The following BET1 variants were observed in gnomAD, a reference collection of about 807,000 sequenced individuals.
BET1 encodes the protein Bet1 golgi vesicular membrane trafficking protein, also known as BET1 homolog.
A neutral mutation model predicts 13.9 loss-of-function variants in BET1; 9 were observed. That is an observed-to-expected ratio of 0.65 (90% confidence interval 0.39 to 1.13). BET1 has a LOEUF of 1.13. Among genes scored for constraint, BET1 ranks in the 50% most tolerant of loss-of-function variants. BET1 has a pLI of 0.01. For synonymous variants in BET1, 39 were observed against 47.3 expected, an observed-to-expected ratio of 0.82 and a Z score of 0.72; for missense variants, 127 against 133.6, an observed-to-expected ratio of 0.95 and a Z score of 0.24.
chr7:93,994,876 G>A (rs965367372), intron 3 of BET1, among the ~76,000 whole-genome samples: 4 of 118,064 alleles, frequency 3.4e-5, no homozygotes, highest in Admixed American at 7.5e-5. Flanking sequence ...ACGGAGTCTC[G>A]CTCGTTGCCC....
At chr7:93,971,853 C>G (rs1477036894) in intron 6 of BET1, among the ~76,000 whole-genome samples, 1 of 151,022 alleles carries the variant, frequency 6.6e-6, no homozygotes. Flanking sequence ...ATGAAGTAAT[C>G]TGAATTTTAA....
rs187153559 is a variant in BET1, at chr7:93,970,619, T to C, written c.*137+1956A>G. Among the ~76,000 whole-genome samples the C allele has an allele frequency of 2.0e-4, 31 of 151,860 alleles. 1 individual carries two copies. Among genetic ancestry groups the C allele is most frequent in the Admixed American group, 1.2e-3 (18 of 15,174 alleles). ...TCTTTGAGACAAGGCCCATCTTACA[T>C]TGACATCCCAAAAATGGGAATAGTG... On this transcript the variant is annotated intron_variant and NMD_transcript_variant, in intron 6 of 6. Coordinates refer to the BET1 transcript ENST00000357520.
Position 93,994,179 on chromosome 7 carries a change from G to T in BET1, c.*51C>A. The T allele has an allele frequency of 6.4e-7, 1 of 1,553,610 alleles. No individual in the cohort carries two copies. Among genetic ancestry groups the T allele is most frequent in the Non-Finnish European group, 8.7e-7 (1 of 1,151,284 alleles). On this transcript the variant is annotated 3_prime_UTR_variant, in exon 4 of 4. Transcript: ENST00000222547. ...TTTGATGCTGATTTTTATCAAAGTGGTACTGCAAGCCATTAAGTTGGAACA... is the reference window on the plus strand; with the variant it reads ...TTTGATGCTGATTTTTATCAAAGTGTTACTGCAAGCCATTAAGTTGGAACA...
chr7:93,969,381 G>T (rs1009162301), intron 6 of BET1: 1 of 151,764 alleles, frequency 6.6e-6, no homozygotes, highest in African/African-American at 2.4e-5. Context: ...GCTTCCCTGG[G>T]GAAAGTGTTG....
intron 6 of BET1, among the ~76,000 whole-genome samples, chr7:93,966,919 C>T (rs987884075): frequency 5.9e-5 from 9 of 151,766 alleles, no homozygotes; most frequent in Non-Finnish European, 1.0e-4. Context: ...TGAGATGTTT[C>T]TTATGCTTCT....
rs554545510 is a variant in BET1, at chr7:93,980,252, A to G, written c.236-4152T>C. ...AAACTCCCTCAGAAAACTGAATAGG[A>G]GGAAGGCTTCCAAATCCATTTTGCA... On this transcript the variant is annotated intron_variant and NMD_transcript_variant, in intron 4 of 6. Coordinates refer to the BET1 transcript ENST00000357520. 2.0e-4 allele frequency among the ~76,000 whole-genome samples: 31 copies of G among 152,326 alleles called. No individual in the cohort carries two copies. In the East Asian group the frequency reaches 6.0e-3, roughly 29 times the overall value.
At chr7:93,987,613 C>T (rs1421119459) in intron 4 of BET1, among the ~76,000 whole-genome samples, 1 of 152,040 alleles carries the variant, frequency 6.6e-6, no homozygotes, top group Admixed American at 6.5e-5. Context: ...AGCTTCTAAA[C>T]AAGCATATCA....
chr7:93,985,726 C>A (rs1363019636), intron 4 of BET1, among the ~76,000 whole-genome samples: 1 of 152,136 alleles, frequency 6.6e-6, no homozygotes, highest in East Asian at 1.9e-4. Flanking sequence ...TTTAACAGAG[C>A]AATGATCCAG....
At chr7:93,998,885 G>A (rs1195193554) in intron 2 of BET1, among the ~76,000 whole-genome samples, 1 of 152,042 alleles carries the variant, frequency 6.6e-6, no homozygotes, top group East Asian at 1.9e-4. Context: ...CTTGGGGGTG[G>A]AAGATGGACA....
chr7:93,994,867 C>T (rs114584463), intron 3 of BET1, among the ~76,000 whole-genome samples: 44,395 of 141,338 alleles, frequency 0.31, 7,275 homozygotes, highest in East Asian at 0.46. Context: ...TATTTAGAGA[C>T]GGAGTCTCGC....
chr7:93,964,230 C>G (rs576122965), exon 7 of BET1: 1 of 152,114 alleles, frequency 6.6e-6, no homozygotes, highest in Admixed American at 6.6e-5. Context: ...AAGTAGTGAG[C>G]ATAGTACCCA....
chr7:93,999,657 C>A (rs1366739950), intron 1 of BET1: 1 of 457,432 alleles, frequency 2.2e-6, no homozygotes, highest in Admixed American at 2.3e-5. Context: ...ACATCATCTA[C>A]CCATTGAAAA....
chr7:93,985,999 TG>T (rs1161490051), intron 4 of BET1, among the ~76,000 whole-genome samples: 2 of 152,198 alleles, frequency 1.3e-5, no homozygotes, highest in Admixed American at 6.6e-5. Flanking sequence ...TCTTTTTTCC[TG>T]CTCCCCTCAC....
At chr7:93,999,320 G>T in intron 1 of BET1, 26 bp from the exon 2 acceptor site, 1 of 1,575,652 alleles carries the variant, frequency 6.3e-7, no homozygotes, top group South Asian at 1.2e-5. Context: ...TCACAAAGGT[G>T]GTTCTAGAGA....
intron 4 of BET1, chr7:93,987,336 G>A (rs1795546536): frequency 6.6e-6 from 1 of 152,164 alleles, no homozygotes; most frequent in Non-Finnish European, 1.5e-5. Context: ...GAAATGGCTA[G>A]GTTTATGCCT....
In BET1 at chr7:93,994,119, T is replaced by C. The variant is rs1352811137; in HGVS notation, c.*111A>G. ...ATAAGCAAAATTCAGCAATTTTCAA[T>C]GGAAAATGCCACAGTATTTGAACAC... On this transcript the variant is annotated 3_prime_UTR_variant, in exon 4 of 4. Transcript: ENST00000222547. 1.4e-6 allele frequency: 2 copies of C among 1,460,118 alleles called. No homozygotes were observed. The highest frequency in any genetic ancestry group is 2.4e-5 in the East Asian group (1 of 42,010). 90.4% of individuals were successfully genotyped at this position (1,460,118 alleles called of 1,614,324 possible). A position where few individuals can be genotyped will look rare whatever the true frequency, so the allele number is the denominator to read the frequency against.
intron 6 of BET1, among the ~76,000 whole-genome samples, chr7:93,967,182 A>G (rs1795187732): frequency 1.3e-5 from 2 of 151,870 alleles, no homozygotes; most frequent in South Asian, 4.1e-4. Flanking sequence ...CTCAAACCGT[A>G]TGGCAACTTC....
rs141969565 is a variant in BET1, at chr7:93,994,152, G to C, written c.*78C>G. On this transcript the variant is annotated 3_prime_UTR_variant, in exon 4 of 4. Transcript: ENST00000222547. The stretch of plus-strand genomic sequence containing the variant: ...GCCACAGTATTTGAACACTAGGAAT[G>C]TTTTGATGCTGATTTTTATCAAAGT... 9.7e-4 allele frequency: 1,467 copies of C among 1,514,934 alleles called. 9 individuals are homozygous for C. The African/African-American group carries it at 0.019, about 19-fold the overall frequency. 93.8% of individuals were successfully genotyped at this position (1,514,934 alleles called of 1,614,324 possible).
At chr7:93,984,998 A>G (rs1377174478) in intron 4 of BET1, among the ~76,000 whole-genome samples, 2 of 152,134 alleles carry the variant, frequency 1.3e-5, no homozygotes, top group Non-Finnish European at 2.9e-5. Context: ...AGCTATAAAG[A>G]ATATATATTC....
Sources: gnomAD v4.1 joint callset for allele counts (sites outside exome capture counted in the v4.1 genomes callset) on GRCh38, gnomAD v4.1.1 for gene constraint, MANE v1.5 for transcripts, NCBI Gene and HGNC (gene_info 2026-07-23, HGNC 2026-07-21) for gene names.